Variants in TSPO observed in about 807,000 individuals in gnomAD.
The protein encoded by TSPO is translocator protein, also known as benzodiazepine peripheral binding site.
In TSPO, 14 loss-of-function variants were observed where a neutral mutation model predicts 13.9. That is an observed-to-expected ratio of 1.01 (90% confidence interval 0.67 to 1.58). The LOEUF is 1.58. TSPO is among the 40% of genes most tolerant of loss of function. The pLI is 0.00. For synonymous variants in TSPO, 114 were observed against 105.9 expected, an observed-to-expected ratio of 1.08 and a Z score of -0.47; for missense variants, 232 against 229.6, an observed-to-expected ratio of 1.01 and a Z score of -0.07.
intron 1 of TSPO, among the ~76,000 whole-genome samples, chr22:43,154,970 G>A (rs1300260234): frequency 6.6e-6 from 1 of 152,112 alleles, no homozygotes; most frequent in Admixed American, 6.5e-5. Context: ...CAGAGGTGGG[G>A]TGGAGTGGCC....
At chr22:43,153,643 G>A (rs62232062) in intron 1 of TSPO, among the ~76,000 whole-genome samples, 2 of 132,412 alleles carry the variant, frequency 1.5e-5, no homozygotes, top group African/African-American at 2.8e-5. Context: ...GAGCCACCGC[G>A]CCCGGCTTAT....
chr22:43,158,817 T>C (rs1221902766), intron 1 of TSPO, among the ~76,000 whole-genome samples: 1 of 150,692 alleles, frequency 6.6e-6, no homozygotes, highest in Non-Finnish European at 1.5e-5. Context: ...AATGAATGAG[T>C]GAGTGAGTGA....
Position 43,162,872 on chromosome 22 carries a change from C to T in TSPO, c.391C>T (p.Pro131Ser). The change falls in exon 4 of 4, where the codon CCG becomes TCG. Residue 131 changes from proline (P) to serine (S), a missense_variant. By Grantham distance (74) the Pro-to-Ser change is moderately conservative. Coordinates refer to ENST00000337554, the MANE Select transcript of TSPO (RefSeq NM_000714.6). ...ATTVAWYQVS[P>S]LAARLLYPYL... is the part of the protein sequence containing the mutation. ...TACCGTGGCCTGGTACCAGGTGAGC[C>T]CGCTGGCCGCCCGCCTGCTCTACCC... 6.3e-7 allele frequency: 1 copy of T among 1,578,002 alleles called. No individual in the cohort carries two copies. The highest frequency in any genetic ancestry group is 8.6e-7 in the Non-Finnish European group (1 of 1,163,186).
At chr22:43,156,584 CTTT>C (rs1931257856) in intron 1 of TSPO, among the ~76,000 whole-genome samples, 1 of 152,068 alleles carries the variant, frequency 6.6e-6, no homozygotes, top group Non-Finnish European at 1.5e-5. Context: ...TACGGGGTTT[CTTT>C]TAGGGGTTGA....
chr22:43,152,672 C>G (rs150558505), intron 1 of TSPO, among the ~76,000 whole-genome samples: 1 of 152,254 alleles, frequency 6.6e-6, no homozygotes, highest in Non-Finnish European at 1.5e-5. Flanking sequence ...TGGCTGCTGG[C>G]AGCCCCACAG....
intron 1 of TSPO, 90 bp from the exon 2 acceptor site, chr22:43,159,120 G>C: frequency 9.5e-7 from 1 of 1,054,270 alleles, no homozygotes; most frequent in Non-Finnish European, 1.3e-6. Context: ...TGATCTGTGG[G>C]TGACAGGCCT....
Position 43,152,517 on chromosome 22 carries a change from G to A in TSPO, c.-30+913G>A, listed in dbSNP as rs142638041. ...AAGGCCTACTGCCAGAACAGTGGGC[G>A]AGGCCCGGCGTCTCTGTGGAGTCGG... On this transcript the variant is annotated intron_variant, in intron 1 of 3. Transcript: ENST00000337554. Among the ~76,000 whole-genome samples the A allele has an allele frequency of 7.9e-5, 12 of 152,396 alleles. 1 individual carries two copies. The highest frequency in any genetic ancestry group is 2.9e-4 in the African/African-American group (12 of 41,602).
rs1224324754 is a variant in TSPO, at chr22:43,159,416, A to G, written c.178A>G (p.Met60Val). ...GPVWGTLYSA[M>V]GYGSYLVWKE... ...TGTCTGGGGCACGCTCTACTCAGCC[A>G]TGGGGTAGGTGGGCGTGCACTGGCC... The change falls in exon 2 of 4, where the codon ATG becomes GTG. Residue 60 changes from methionine to valine, a missense_variant. Met to Val is a conservative substitution (Grantham distance 21). Coordinates refer to ENST00000337554, the MANE Select transcript of TSPO (RefSeq NM_000714.6). The G allele has an allele frequency of 5.3e-6, 8 of 1,522,458 alleles. No individual in the cohort carries two copies. Among genetic ancestry groups the G allele is most frequent in the Non-Finnish European group, 7.0e-6 (8 of 1,135,378 alleles). The allele number at this position is 1,522,458 out of a possible 1,614,324, so 94.3% of individuals were successfully genotyped here.
Position 43,163,142 on chromosome 22 carries a change from A to G in TSPO, c.*151A>G. 6.8e-7 allele frequency: 1 copy of G among 1,469,554 alleles called. No individual in the cohort carries two copies. Among genetic ancestry groups the G allele is most frequent in the Non-Finnish European group, 9.0e-7 (1 of 1,112,350 alleles). The allele number at this position is 1,469,554 out of a possible 1,614,324, so 91.0% of individuals were successfully genotyped here. On this transcript the variant is annotated 3_prime_UTR_variant, in exon 4 of 4. Coordinates refer to ENST00000337554, the MANE Select transcript of TSPO (RefSeq NM_000714.6). Reference sequence around the variant, plus strand: ...AGAGCTTCAGAGGTGGCCCCACCTGAGCCCCCACCCGGGAGCAGTGTCCTG... The same window carrying G: ...AGAGCTTCAGAGGTGGCCCCACCTGGGCCCCCACCCGGGAGCAGTGTCCTG...
At chr22:43,157,829 T>A (rs992021075) in intron 1 of TSPO, among the ~76,000 whole-genome samples, 1 of 152,194 alleles carries the variant, frequency 6.6e-6, no homozygotes, top group Non-Finnish European at 1.5e-5. Context: ...AGAGCAAGAC[T>A]CTGTCTCAAA....
intron 1 of TSPO, chr22:43,151,842 G>C (rs1931080638): frequency 6.6e-6 from 1 of 152,260 alleles, no homozygotes; most frequent in African/African-American, 2.4e-5. Context: ...GGGGGTTCGG[G>C]AGGGAAAACT....
chr22:43,159,341 G>A lies in TSPO; in HGVS notation c.103G>A (p.Ala35Thr), dbSNP rs952337438. Residue 35 changes from alanine (A) to threonine (T), a missense_variant, in exon 2 of 4, where the codon GCC becomes ACC. By Grantham distance (58) the Ala-to-Thr change is moderately conservative (BLOSUM62 0). Coordinates refer to ENST00000337554, the MANE Select transcript of TSPO (RefSeq NM_000714.6). ...FVHGEGLRWY[A>T]GLQKPSWHPP... is the part of the protein sequence containing the mutation. Reference sequence around the variant, plus strand: ...CCACGGCGAGGGTCTCCGCTGGTACGCCGGCCTGCAGAAGCCCTCGTGGCA... The same window carrying A: ...CCACGGCGAGGGTCTCCGCTGGTACACCGGCCTGCAGAAGCCCTCGTGGCA... 1.5e-5 allele frequency: 23 copies of A among 1,547,474 alleles called. No individual in the cohort carries two copies. Among genetic ancestry groups the A allele is most frequent in the East Asian group, 7.3e-5 (3 of 40,852 alleles).
chr22:43,157,135 G>A (rs1043991359), intron 1 of TSPO, among the ~76,000 whole-genome samples: 2 of 152,092 alleles, frequency 1.3e-5, no homozygotes, highest in African/African-American at 4.8e-5. Context: ...GTGGTCCAGA[G>A]CTCCATATCC....
At chr22:43,154,723 A>G (rs1931197464) in intron 1 of TSPO, among the ~76,000 whole-genome samples, 1 of 152,044 alleles carries the variant, frequency 6.6e-6, no homozygotes, top group African/African-American at 2.4e-5. Context: ...TGGCTCGACC[A>G]CCACCTCATA....
At chr22:43,157,272 G>A (rs1397709919) in intron 1 of TSPO, among the ~76,000 whole-genome samples, 1 of 145,638 alleles carries the variant, frequency 6.9e-6, no homozygotes, top group Non-Finnish European at 1.5e-5. Flanking sequence ...GGAAGCTGGA[G>A]GGCGGGGCAG....
intron 1 of TSPO, among the ~76,000 whole-genome samples, chr22:43,158,722 C>T (rs1294044260): frequency 6.6e-6 from 1 of 152,092 alleles, no homozygotes; most frequent in African/African-American, 2.4e-5. Context: ...AAACTGAGGC[C>T]CTGAGTTGAT....
In TSPO at chr22:43,161,186, G is replaced by T. The variant is rs143915407; in HGVS notation, c.317G>T (p.Gly106Val). The T allele has an allele frequency of 5.1e-5, 83 of 1,612,336 alleles. No individual in the cohort carries two copies. In the African/African-American group the frequency reaches 9.6e-4, roughly 19 times the overall value. Residue 106 changes from glycine (G) to valine (V), a missense_variant, in exon 3 of 4, where the codon GGC becomes GTC. Coordinates refer to ENST00000337554, the MANE Select transcript of TSPO (RefSeq NM_000714.6). ...PPIFFGARQMGWALVDLLLVS... is the reference protein window; with the variant it reads ...PPIFFGARQMVWALVDLLLVS... ...ATCTTCTTTGGTGCCCGACAAATGGGCTGGGTAAGTGTGGCCACAGCATGT... is the reference window on the plus strand; with the variant it reads ...ATCTTCTTTGGTGCCCGACAAATGGTCTGGGTAAGTGTGGCCACAGCATGT...
intron 1 of TSPO, among the ~76,000 whole-genome samples, chr22:43,153,336 CTTTTTTTTTTTT>C (rs1052119233): frequency 3.9e-5 from 2 of 50,746 alleles, no homozygotes; most frequent in African/African-American, 9.8e-5. Flanking sequence ...TTTGTGTTTT[CTTTTTTTTTTTT>C]TTTTTTTTTT....
chr22:43,153,813 TCG>T (rs1237478154), intron 1 of TSPO, among the ~76,000 whole-genome samples: 1 of 152,060 alleles, frequency 6.6e-6, no homozygotes, highest in Non-Finnish European at 1.5e-5. Flanking sequence ...AGACGGTGTC[TCG>T]CTCCATTGCC....
Sources: allele counts gnomAD v4.1 joint callset (sites outside exome capture counted in the v4.1 genomes callset), GRCh38; gene constraint gnomAD v4.1.1; transcripts MANE v1.5; gene names NCBI Gene and HGNC (gene_info 2026-07-23, HGNC 2026-07-21).